CSMD1: variants seen among roughly 807,000 people sequenced by gnomAD.
The protein encoded by CSMD1 is CUB and sushi domain-containing protein 1.
Under a neutral mutation model 417.5 loss-of-function variants are expected in CSMD1, and 213 were observed. That is an observed-to-expected ratio of 0.51 (90% confidence interval 0.46 to 0.57). The LOEUF is 0.57. Ranked by LOEUF, CSMD1 falls within the 20% of genes least tolerant of loss-of-function variation. The pLI, the probability that CSMD1 is intolerant of heterozygous loss-of-function variation, is 0.00. For synonymous variants in CSMD1, 2,862 were observed against 1,736.8 expected, an observed-to-expected ratio of 1.65 and a Z score of -16.11; for missense variants, 6,923 against 4,529.7, an observed-to-expected ratio of 1.53 and a Z score of -15.17.
chr8:3,354,044 C>G (rs561419611), intron 21 of CSMD1, among the ~76,000 whole-genome samples: 40 of 152,276 alleles, frequency 2.6e-4, no homozygotes, highest in African/African-American at 9.1e-4. Flanking sequence ...GCCCCAAATC[C>G]ATAGCATTAA....
intron 2 of CSMD1, among the ~76,000 whole-genome samples, chr8:4,426,127 G>C (rs1055131406): frequency 2.6e-5 from 4 of 151,592 alleles, no homozygotes; most frequent in South Asian, 2.1e-4. Flanking sequence ...ATGTGACAGA[G>C]AGACTGACAT....
chr8:3,915,611 A>C (rs1222471659), intron 5 of CSMD1, among the ~76,000 whole-genome samples: 3 of 151,346 alleles, frequency 2.0e-5, no homozygotes, highest in Non-Finnish European at 4.4e-5. Flanking sequence ...GAAATACTTG[A>C]AAAGCTTATC....
intron 10 of CSMD1, among the ~76,000 whole-genome samples, chr8:3,532,732 G>A (rs544505807): frequency 1.3e-5 from 2 of 152,238 alleles, no homozygotes; most frequent in South Asian, 4.2e-4. Flanking sequence ...CTTTCAGTAT[G>A]TCATATCTAT....
At chr8:4,451,894 C>T (rs1183484321) in intron 2 of CSMD1, among the ~76,000 whole-genome samples, 1 of 150,748 alleles carries the variant, frequency 6.6e-6, no homozygotes, top group Non-Finnish European at 1.5e-5. Flanking sequence ...CTTTTTTCTT[C>T]CACACTAAAA....
At chr8:3,042,776 C>T (rs1413972613) in intron 50 of CSMD1, among the ~76,000 whole-genome samples, 1 of 152,184 alleles carries the variant, frequency 6.6e-6, no homozygotes, top group Middle Eastern at 3.4e-3. Flanking sequence ...ATAGACATAA[C>T]CTTAGTTTTT....
intron 3 of CSMD1, among the ~76,000 whole-genome samples, chr8:4,275,411 A>C (rs1305688863): frequency 1.3e-5 from 2 of 152,168 alleles, no homozygotes; most frequent in Admixed American, 6.5e-5. Context: ...ACAAAGGAGA[A>C]TAAATACATT....
intron 1 of CSMD1, chr8:4,787,810 C>T: frequency 6.4e-7 from 1 of 1,573,856 alleles, no homozygotes; most frequent in Non-Finnish European, 8.7e-7. Context: ...TATCATGAGT[C>T]ATGCTACACA....
chr8:4,443,342 G>C (rs1174360225), intron 2 of CSMD1, among the ~76,000 whole-genome samples: 1 of 152,164 alleles, frequency 6.6e-6, no homozygotes, highest in Non-Finnish European at 1.5e-5. Context: ...CCCACAATAT[G>C]CATACACACT....
chr8:4,746,480 G>A (rs951648330), intron 1 of CSMD1, among the ~76,000 whole-genome samples: 6 of 152,200 alleles, frequency 3.9e-5, no homozygotes, highest in Admixed American at 2.0e-4. Flanking sequence ...AAGAATGAGT[G>A]ATTCGTGTCT....
intron 12 of CSMD1, among the ~76,000 whole-genome samples, chr8:3,428,853 G>A (rs1814023955): frequency 6.6e-6 from 1 of 152,138 alleles, no homozygotes; most frequent in Non-Finnish European, 1.5e-5. Flanking sequence ...ATACTATTTG[G>A]TCATAAAAAA....
At chr8:4,115,754 A>T (rs1186013813) in intron 3 of CSMD1, among the ~76,000 whole-genome samples, 1 of 152,082 alleles carries the variant, frequency 6.6e-6, no homozygotes, top group Non-Finnish European at 1.5e-5. Context: ...ATTCAGTGCT[A>T]AAAAGAAATA....
At position 4,972,492 on chromosome 8, in the gene CSMD1, G is replaced by A. The variant is rs761944714; in HGVS notation, c.85+21840C>T. Among the ~76,000 whole-genome samples the A allele has an allele frequency of 2.0e-5, 3 of 152,214 alleles. No homozygotes were observed. In the East Asian group the frequency reaches 5.8e-4, roughly 29 times the overall value. Reference sequence around the variant, plus strand: ...CTCCTTCCTGCCATCTTGTGAAGAAGGTGCCTGACTTCCCCTTCACCTGCC... The same window carrying A: ...CTCCTTCCTGCCATCTTGTGAAGAAAGTGCCTGACTTCCCCTTCACCTGCC... On this transcript the variant is annotated intron_variant, in intron 1 of 69. Transcript: ENST00000635120.
intron 3 of CSMD1, among the ~76,000 whole-genome samples, chr8:4,157,127 G>A (rs535732857): frequency 6.6e-6 from 1 of 152,262 alleles, no homozygotes; most frequent in East Asian, 1.9e-4. Flanking sequence ...AACCCTAAGA[G>A]TGTATTTTAT....
intron 2 of CSMD1, among the ~76,000 whole-genome samples, chr8:4,446,858 T>A (rs937599168): frequency 6.6e-6 from 1 of 151,144 alleles, no homozygotes; most frequent in Non-Finnish European, 1.5e-5. Flanking sequence ...CCTGACCTTG[T>A]GATCCACCCG....
intron 1 of CSMD1, among the ~76,000 whole-genome samples, chr8:4,715,259 G>C (rs754250320): frequency 6.6e-6 from 1 of 152,098 alleles, no homozygotes; most frequent in South Asian, 2.1e-4. Context: ...CCTGTGTTTG[G>C]CTCTGACAAA....
chr8:3,712,980 G>C lies in CSMD1; in HGVS notation c.932-4489C>G, dbSNP rs143126175. Reference sequence around the variant, plus strand: ...ATGTATTGTGTGCTTCAAAGGTGCTGAGAGTTGACTTTAGGTTTTCTCATC... The same window carrying C: ...ATGTATTGTGTGCTTCAAAGGTGCTCAGAGTTGACTTTAGGTTTTCTCATC... On this transcript the variant is annotated intron_variant, in intron 6 of 69. Transcript: ENST00000635120. Among the ~76,000 whole-genome samples the C allele has an allele frequency of 1.3e-4, 20 of 152,234 alleles. No homozygotes were observed. The East Asian group carries it at 2.7e-3, about 21-fold the overall frequency.
At chr8:4,635,263 C>T (rs1802754164) in intron 2 of CSMD1, among the ~76,000 whole-genome samples, 1 of 152,098 alleles carries the variant, frequency 6.6e-6, no homozygotes, top group Non-Finnish European at 1.5e-5. Flanking sequence ...GCACAGGTAT[C>T]AATTTATTTA....
intron 5 of CSMD1, among the ~76,000 whole-genome samples, chr8:3,960,032 C>A (rs563851745): frequency 2.0e-5 from 3 of 152,134 alleles, no homozygotes; most frequent in East Asian, 1.9e-4. Flanking sequence ...TTGCAAGGAG[C>A]CTTCTGGGCA....
At chr8:4,587,423 GTATATGTGGATATATATGTATATGTACA>G (rs1799760431) in intron 2 of CSMD1, among the ~76,000 whole-genome samples, 1 of 85,946 alleles carries the variant, frequency 1.2e-5, no homozygotes, top group African/African-American at 6.1e-5. Flanking sequence ...ATATGTACAT[GTATATGTGGATATATATGTATATGTACA>G]TATATATGTA....
Sources: allele counts gnomAD v4.1 joint callset (sites outside exome capture counted in the v4.1 genomes callset), GRCh38; gene constraint gnomAD v4.1.1; transcripts MANE v1.5; gene names NCBI Gene and HGNC (gene_info 2026-07-23, HGNC 2026-07-21).